Variants in PDE1C observed in about 807,000 individuals in gnomAD.
The protein encoded by PDE1C is phosphodiesterase 1C.
A neutral mutation model predicts 93.1 loss-of-function variants in PDE1C; 62 were observed. The observed-to-expected ratio is 0.67, with a 90% CI of 0.54 to 0.82. PDE1C has a LOEUF of 0.82. Among genes scored for constraint, PDE1C ranks in the 40% least tolerant of loss-of-function variants. The probability of loss-of-function intolerance (pLI) is 0.00; values close to 1 mark genes in which losing one functional copy is unlikely to be tolerated. For synonymous variants in PDE1C, 325 were observed against 310.1 expected, an observed-to-expected ratio of 1.05 and a Z score of -0.50; for missense variants, 742 against 884.6, an observed-to-expected ratio of 0.84 and a Z score of 2.04.
chr7:31,816,304 A>G (rs1039630478), intron 14 of PDE1C, 150 bp from the exon 15 acceptor site: 51 of 663,400 alleles, frequency 7.7e-5, no homozygotes, highest in Non-Finnish European at 1.2e-4. Context: ...ATTGGCATGT[A>G]TACTTAGGAA....
chr7:32,242,264 G>A (rs891041155), intron 1 of PDE1C, among the ~76,000 whole-genome samples: 3 of 152,156 alleles, frequency 2.0e-5, no homozygotes, highest in Admixed American at 2.0e-4. Flanking sequence ...GTCTGATAGG[G>A]CTGATGGACA....
intron 3 of PDE1C, among the ~76,000 whole-genome samples, chr7:32,157,009 T>C (rs1184701089): frequency 6.6e-6 from 1 of 152,210 alleles, no homozygotes; most frequent in African/African-American, 2.4e-5. Flanking sequence ...AAGGACTCAG[T>C]GTCACTTATG....
the PDE1C span, among the ~76,000 whole-genome samples, chr7:31,675,339 C>G: frequency 6.6e-6 from 1 of 152,168 alleles, no homozygotes; most frequent in Non-Finnish European, 1.5e-5. Flanking sequence ...GGAGTCACTT[C>G]TGGAGGCTCA....
chr7:32,401,329 G>A (rs948458333), intron 1 of PDE1C, among the ~76,000 whole-genome samples: 2 of 152,106 alleles, frequency 1.3e-5, no homozygotes, highest in Admixed American at 1.3e-4. Flanking sequence ...ATGAGGTCAG[G>A]AGATCGAGAC....
Position 32,047,062 on chromosome 7 carries a change from A to AGTGTGTGTGTGTGTGTGTGT in PDE1C, c.128+4472_128+4491dup, listed in dbSNP as rs59580872. On this transcript the variant is annotated intron_variant, in intron 2 of 17. Coordinates refer to ENST00000396191, the MANE Select transcript of PDE1C (RefSeq NM_001191057.4). ...GTGTGTGTGTGTGTGTGCGAGACAG[A>AGTGTGTGTGTGTGTGTGTGT]GTGTGTGTGTGTGTGTGTGTGTGTG... is the stretch of plus-strand genomic sequence containing the variant. 6.0e-4 allele frequency among the ~76,000 whole-genome samples: 88 copies of AGTGTGTGTGTGTGTGTGTGT among 145,964 alleles called. 1 individual carries two copies. Among genetic ancestry groups the AGTGTGTGTGTGTGTGTGTGT allele is most frequent in the African/African-American group, 2.1e-3 (85 of 39,702 alleles).
intron 2 of PDE1C, among the ~76,000 whole-genome samples, chr7:32,032,523 C>A (rs1294154284): frequency 6.6e-6 from 1 of 152,150 alleles, no homozygotes; most frequent in East Asian, 1.9e-4. Flanking sequence ...CACTGATTCC[C>A]AAAAGGCACA....
chr7:31,835,292 G>A (rs965519439), intron 11 of PDE1C, among the ~76,000 whole-genome samples: 1 of 152,058 alleles, frequency 6.6e-6, no homozygotes, highest in Non-Finnish European at 1.5e-5. Context: ...GAGATTTGGA[G>A]AACATCCTCC....
chr7:31,882,928 A>G (rs187262858), intron 2 of PDE1C, among the ~76,000 whole-genome samples: 152 of 152,334 alleles, frequency 1.0e-3, no homozygotes, highest in African/African-American at 3.5e-3. Flanking sequence ...GCAGATGAAA[A>G]GGGATCAAAT....
the PDE1C span, among the ~76,000 whole-genome samples, chr7:31,744,176 T>C: frequency 6.6e-6 from 1 of 152,314 alleles, no homozygotes; most frequent in Non-Finnish European, 1.5e-5. Flanking sequence ...GTCTTTATTA[T>C]ATTTACTATG....
intron 1 of PDE1C, among the ~76,000 whole-genome samples, chr7:32,219,688 G>A (rs565401800): frequency 3.3e-5 from 5 of 152,348 alleles, no homozygotes; most frequent in East Asian, 1.9e-4. Context: ...CTGCAGGACT[G>A]CTGGCTCGCA....
At chr7:32,158,019 A>G (rs1447663746) in intron 3 of PDE1C, among the ~76,000 whole-genome samples, 1 of 149,460 alleles carries the variant, frequency 6.7e-6, no homozygotes, top group Non-Finnish European at 1.5e-5. Context: ...TGATTTGAGT[A>G]GATGAACTTA....
intron 2 of PDE1C, among the ~76,000 whole-genome samples, chr7:31,963,649 T>A (rs1379698801): frequency 6.6e-6 from 1 of 152,220 alleles, no homozygotes; most frequent in Non-Finnish European, 1.5e-5. Flanking sequence ...AAAAAGATTT[T>A]CTTATAAGGA....
At chr7:31,633,605 G>C in the PDE1C span, among the ~76,000 whole-genome samples, 1 of 152,200 alleles carries the variant, frequency 6.6e-6, no homozygotes, top group Admixed American at 6.5e-5. Flanking sequence ...AAGTCTAGCT[G>C]TTTCACATAT....
the PDE1C span, chr7:31,653,510 G>A: frequency 2.0e-5 from 3 of 152,170 alleles, no homozygotes; most frequent in Non-Finnish European, 2.9e-5. Context: ...ATTAAGAGAA[G>A]CTATCAATAT....
intron 15 of PDE1C, among the ~76,000 whole-genome samples, chr7:31,811,982 A>G (rs1279143301): frequency 6.6e-6 from 1 of 152,136 alleles, no homozygotes; most frequent in East Asian, 1.9e-4. Context: ...ATGTTGCCTG[A>G]GCAAAATCCA....
intron 17 of PDE1C, 41 bp from the exon 18 acceptor site, chr7:31,753,594 A>G: frequency 6.3e-7 from 1 of 1,581,218 alleles, no homozygotes; most frequent in East Asian, 2.3e-5. Flanking sequence ...GGTTAGCCTC[A>G]CCCACGACAT....
At chr7:32,208,925 A>C (rs1468507168) in intron 2 of PDE1C, among the ~76,000 whole-genome samples, 1 of 152,178 alleles carries the variant, frequency 6.6e-6, no homozygotes, top group Non-Finnish European at 1.5e-5. Flanking sequence ...CATTCAATCC[A>C]TCTAAGCTTC....
chr7:32,322,326 C>A (rs1019008612), intron 1 of PDE1C, among the ~76,000 whole-genome samples: 3 of 152,160 alleles, frequency 2.0e-5, no homozygotes, highest in Non-Finnish European at 4.4e-5. Flanking sequence ...TAGCCAGGCA[C>A]AGTGACCTAC....
In PDE1C at chr7:32,337,191, T is replaced by C. The variant is rs141504050; in HGVS notation, c.310+90631A>G. Among the ~76,000 whole-genome samples, 58 of 152,178 alleles carry C rather than the reference T, an allele frequency of 3.8e-4. 1 individual carries two copies. Among genetic ancestry groups the C allele is most frequent in the African/African-American group, 1.3e-3 (55 of 41,534 alleles). On this transcript the variant is annotated intron_variant, in intron 1 of 1. Coordinates refer to the PDE1C transcript ENST00000672256. ...GAACTCCACTGGTTCAATCAATGAG[T>C]ATTTATTGAGCCCTTACTAGGTGCC...
Sources: gnomAD v4.1 joint callset for allele counts (sites outside exome capture counted in the v4.1 genomes callset) on GRCh38, gnomAD v4.1.1 for gene constraint, MANE v1.5 for transcripts, NCBI Gene and HGNC (gene_info 2026-07-23, HGNC 2026-07-21) for gene names.